The following RGS5 variants were observed in gnomAD, a reference collection of about 807,000 sequenced individuals.
RGS5 encodes regulator of G-protein signalling 5.
In RGS5, 20 loss-of-function variants were observed where a neutral mutation model predicts 18.9. That is an observed-to-expected ratio of 1.06 (90% CI 0.74 to 1.54). RGS5 has a LOEUF of 1.54. RGS5 is among the 40% of genes most tolerant of loss of function. The pLI is 0.00. For synonymous variants in RGS5, 57 were observed against 76.2 expected (o/e 0.75, Z 1.31); for missense variants, 201 against 211.8 (o/e 0.95, Z 0.32).
At chr1:163,253,287 T>C (rs1312255684) in intron 2 of RGS5, among the ~76,000 whole-genome samples, 1 of 152,092 alleles carries the variant, frequency 6.6e-6, no homozygotes, top group East Asian at 1.9e-4. Context: ...TCAGTGATCA[T>C]GATCAGAAAT....
At chr1:163,207,124 TC>T (rs1659972597), upstream of RGS5, among the ~76,000 whole-genome samples, 1 of 152,188 alleles carries the variant, frequency 6.6e-6, no homozygotes, top group Non-Finnish European at 1.5e-5. Context: ...GAGAAAACCC[TC>T]TGATCATATA....
chr1:163,153,952 C>T (rs976838444), intron 3 of RGS5, among the ~76,000 whole-genome samples: 1 of 151,896 alleles, frequency 6.6e-6, no homozygotes, highest in Non-Finnish European at 1.5e-5. Flanking sequence ...TCTAATTTTC[C>T]AGAAGCTGTG....
intron 2 of RGS5, chr1:163,239,266 AG>A: frequency 6.6e-6 from 1 of 152,390 alleles, no homozygotes; most frequent in Admixed American, 6.6e-5. Context: ...GCCTGAGCTC[AG>A]GAGTTCGAGA....
At chr1:163,204,812 G>A (rs891706376), upstream of RGS5, among the ~76,000 whole-genome samples, 2 of 152,146 alleles carry the variant, frequency 1.3e-5, no homozygotes, top group African/African-American at 4.8e-5. Context: ...CTTGGGACAA[G>A]AGTCTAAATC....
intron 2 of RGS5, among the ~76,000 whole-genome samples, chr1:163,242,792 C>A (rs1460268116): frequency 6.6e-6 from 1 of 152,158 alleles, no homozygotes; most frequent in East Asian, 1.9e-4. Context: ...ATTTAGGCTT[C>A]ATTACATTTT....
At chr1:163,282,721 CAGAT>C (rs1649029382) in intron 2 of RGS5, among the ~76,000 whole-genome samples, 1 of 151,880 alleles carries the variant, frequency 6.6e-6, no homozygotes, top group African/African-American at 2.4e-5. Context: ...TCTAAATAAA[CAGAT>C]AAATAAATAA....
At chr1:163,214,722 T>C (rs1002188727) in intron 1 of RGS5, among the ~76,000 whole-genome samples, 2 of 152,196 alleles carry the variant, frequency 1.3e-5, no homozygotes, top group African/African-American at 4.8e-5. Flanking sequence ...ACTATTCACA[T>C]TTCTTTTTCT....
intron 1 of RGS5, among the ~76,000 whole-genome samples, chr1:163,307,505 A>G (rs1265827542): frequency 1.3e-5 from 2 of 152,154 alleles, no homozygotes; most frequent in Non-Finnish European, 2.9e-5. Context: ...TAGTCCATTA[A>G]TCCTTCCACT....
At chr1:163,211,291 G>C (rs1037873973) in intron 1 of RGS5, 14 of 152,188 alleles carry the variant, frequency 9.2e-5, no homozygotes, top group Non-Finnish European at 1.8e-4. Flanking sequence ...TGTTTAATAG[G>C]AGAATGAAAT....
chr1:163,264,042 G>T (rs1169271773), intron 2 of RGS5, among the ~76,000 whole-genome samples: 1 of 151,912 alleles, frequency 6.6e-6, no homozygotes, highest in East Asian at 1.9e-4. Context: ...ATTTTCTTTG[G>T]CACAAACTGG....
intron 1 of RGS5, 90 bp from the exon 2 acceptor site, chr1:163,168,458 A>G (rs1296225601): frequency 2.2e-6 from 2 of 897,294 alleles, no homozygotes; most frequent in Non-Finnish European, 3.5e-6. Flanking sequence ...AGAAACAAAA[A>G]TGAACAAAAT....
At chr1:163,301,068 G>A (rs761233620) in intron 2 of RGS5, among the ~76,000 whole-genome samples, 76 of 152,112 alleles carry the variant, frequency 5.0e-4, no homozygotes, top group African/African-American at 1.7e-3. Context: ...GAATAAAGGC[G>A]GGTACTGGTG....
At chr1:163,195,069 C>T (rs1215331815) in intron 1 of RGS5, among the ~76,000 whole-genome samples, 3 of 152,142 alleles carry the variant, frequency 2.0e-5, no homozygotes, top group African/African-American at 7.2e-5. Context: ...ACCATTTGAT[C>T]CAGCAATCCC....
At chr1:163,287,245 A>G (rs147764157) in intron 2 of RGS5, among the ~76,000 whole-genome samples, 1 of 152,124 alleles carries the variant, frequency 6.6e-6, no homozygotes, top group Non-Finnish European at 1.5e-5. Context: ...CAGTTTCTCT[A>G]TGTAGAATGC....
At chr1:163,252,813 A>G (rs1478375291) in intron 2 of RGS5, among the ~76,000 whole-genome samples, 3 of 152,144 alleles carry the variant, frequency 2.0e-5, no homozygotes, top group Non-Finnish European at 4.4e-5. Context: ...TATATTGCTA[A>G]CAGATGGCCA....
At chr1:163,193,666 G>A (rs1427185600) in intron 1 of RGS5, among the ~76,000 whole-genome samples, 1 of 152,126 alleles carries the variant, frequency 6.6e-6, no homozygotes, top group Non-Finnish European at 1.5e-5. Flanking sequence ...CAGTTGCTGA[G>A]CATATACACG....
intron 1 of RGS5, among the ~76,000 whole-genome samples, chr1:163,169,133 A>G (rs1001175138): frequency 2.0e-5 from 3 of 151,380 alleles, no homozygotes; most frequent in Non-Finnish European, 2.9e-5. Flanking sequence ...TGTCCTTGCA[A>G]TAGTTTGCTG....
At chr1:163,211,550 T>A (rs1660102838) in intron 1 of RGS5, 1 of 152,194 alleles carries the variant, frequency 6.6e-6, no homozygotes, top group Admixed American at 6.5e-5. Context: ...ACTGGAAAAC[T>A]ATATTCTGTT....
At chr1:163,158,076 T>C (rs910848946) in intron 3 of RGS5, among the ~76,000 whole-genome samples, 1 of 152,240 alleles carries the variant, frequency 6.6e-6, no homozygotes, top group Admixed American at 6.5e-5. Flanking sequence ...TTTCTGATTA[T>C]AGACTATTAG....
Sources: gnomAD v4.1 joint callset for allele counts (sites outside exome capture counted in the v4.1 genomes callset) on GRCh38, gnomAD v4.1.1 for gene constraint, MANE v1.5 for transcripts, NCBI Gene and HGNC (gene_info 2026-07-23, HGNC 2026-07-21) for gene names.